Variants in CEP120 observed in about 807,000 individuals in gnomAD.
CEP120 encodes the protein centrosomal protein of 120 kDa.
Under a neutral mutation model 126.5 loss-of-function variants are expected in CEP120, and 113 were observed. The ratio of observed to expected loss-of-function variants is 0.89; its 90% confidence interval spans 0.77 to 1.04. The LOEUF is 1.04. Ranked by LOEUF, CEP120 falls within the 50% of genes least tolerant of loss-of-function variation. The probability of loss-of-function intolerance (pLI) is 0.00; values close to 1 mark genes in which losing one functional copy is unlikely to be tolerated. For missense variants in CEP120, 1,230 were observed against 1,155.7 expected (o/e 1.06, Z -0.93); for synonymous variants, 400 against 394.3 (o/e 1.01, Z -0.17).
intron 18 of CEP120, among the ~76,000 whole-genome samples, chr5:123,355,095 T>A (rs1769490818): frequency 6.6e-6 from 1 of 152,064 alleles, no homozygotes; most frequent in South Asian, 2.1e-4. Context: ...TTCATCCATG[T>A]CCCTACAAGG....
chr5:123,362,440 G>C (rs1770156112), intron 18 of CEP120, among the ~76,000 whole-genome samples: 1 of 151,828 alleles, frequency 6.6e-6, no homozygotes, highest in African/African-American at 2.4e-5. Flanking sequence ...TAGTACCTAT[G>C]TGATCACATG....
In CEP120 at chr5:123,383,033, A is replaced by C. The variant is rs377627968; in HGVS notation, c.1813T>G (p.Tyr605Asp). 2 of 1,585,234 alleles carry C rather than the reference A, an allele frequency of 1.3e-6. No homozygotes were observed. Among genetic ancestry groups the C allele is most frequent in the African/African-American group, 2.7e-5 (2 of 74,348 alleles). The change falls in exon 12 of 20, where the codon TAT becomes GAT. Residue 605 changes from tyrosine (Y) to aspartate (D), a missense_variant. Physicochemically the swap from Tyr to Asp is radical, Grantham distance 160. Coordinates refer to ENST00000306467, the MANE Select transcript of CEP120 (RefSeq NM_001375405.1). ...ATCTCACGCATTTTTACTAGTCCAT[A>C]ATCTTCTAGAGTCACTGTGTAAGAA... ...DLSYTVTLEDYGLVKMREIFI... is the reference protein window; with the variant it reads ...DLSYTVTLEDDGLVKMREIFI...
intron 7 of CEP120, chr5:123,390,384 T>A: frequency 1.8e-6 from 1 of 566,908 alleles, no homozygotes; most frequent in South Asian, 1.5e-5. Flanking sequence ...TAAGAAGGGA[T>A]ATTTGAGAAA....
chr5:123,416,804 C>T lies in CEP120; in HGVS notation c.207-680G>A, dbSNP rs1013729289. ...CAGGACCTATTTTATTTCTCTTATA[C>T]TGTAACATACATAAAATTACAAATA... is the stretch of plus-strand genomic sequence containing the variant. On this transcript the variant is annotated intron_variant, in intron 2 of 19. Transcript: ENST00000306467. Among the ~76,000 whole-genome samples, 6 of 152,100 alleles carry T rather than the reference C, an allele frequency of 3.9e-5. No individual in the cohort carries two copies. The South Asian group carries it at 8.3e-4, about 21-fold the overall frequency.
chr5:123,395,225 C>T (rs941752440), intron 5 of CEP120, among the ~76,000 whole-genome samples: 6 of 152,148 alleles, frequency 3.9e-5, no homozygotes, highest in African/African-American at 1.4e-4. Context: ...TATTTAGAGA[C>T]TACTTTTTTC....
intron 4 of CEP120, among the ~76,000 whole-genome samples, chr5:123,406,617 C>T (rs907693731): frequency 6.8e-6 from 1 of 147,634 alleles, no homozygotes; most frequent in Admixed American, 6.7e-5. Flanking sequence ...CCCTAGAATT[C>T]TGTGCCCAGT....
In CEP120 at chr5:123,418,175, G is replaced by T. The variant is rs140274300; in HGVS notation, c.206+184C>A. Among the ~76,000 whole-genome samples the T allele has an allele frequency of 1.3e-3, 204 of 152,074 alleles. 2 individuals carry two copies. The East Asian group carries it at 0.036, about 27-fold the overall frequency. ...AACTACCTTTGACTATGCGTATAAT[G>T]TAAAACAAATAAATTTCATGTTTAG... On this transcript the variant is annotated intron_variant, in intron 2 of 19. Transcript: ENST00000306467.
intron 7 of CEP120, 81 bp from the exon 8 acceptor site, chr5:123,390,221 A>T (rs1269168731): frequency 1.9e-6 from 2 of 1,036,400 alleles, no homozygotes; most frequent in Non-Finnish European, 2.9e-6. Context: ...ATTGTTTTTT[A>T]AAAATATAAG....
rs959980599 is a variant in CEP120, at chr5:123,404,461, T to C, written c.464-5177A>G. Among the ~76,000 whole-genome samples, 3 of 152,274 alleles carry C rather than the reference T, an allele frequency of 2.0e-5. No homozygotes were observed. In the South Asian group the frequency reaches 6.2e-4, roughly 32 times the overall value. Reference sequence around the variant, plus strand: ...GGTCTTCGGCACAGAAGAGTATGATTGTATGACTGATGCCTGGTAAATAAA... The same window carrying C: ...GGTCTTCGGCACAGAAGAGTATGATCGTATGACTGATGCCTGGTAAATAAA... On this transcript the variant is annotated intron_variant, in intron 4 of 19. Transcript: ENST00000306467.
intron 17 of CEP120, among the ~76,000 whole-genome samples, chr5:123,368,910 T>C (rs1770660179): frequency 6.6e-6 from 1 of 151,990 alleles, no homozygotes; most frequent in African/African-American, 2.4e-5. Flanking sequence ...GTTACTCTTC[T>C]CAATTTTTTG....
chr5:123,385,086 T>A lies in CEP120; in HGVS notation c.1628A>T (p.Asp543Val). Residue 543 changes from aspartate (D) to valine (V), a missense_variant, in exon 11 of 20, where the codon GAT becomes GTT. Asp to Val is a radical substitution (Grantham distance 152, BLOSUM62 -3). Transcript: ENST00000306467. ...GATTCTCGCAATTCCCAGAAGTAAA[T>A]CTTTACTCATTTTATCCTTGTGCCA... Reference protein sequence around the residue: ...ELWHKDKMSKDLLLGIARIQL... With the variant: ...ELWHKDKMSKVLLLGIARIQL... 1 of 1,613,526 alleles carries A rather than the reference T, an allele frequency of 6.2e-7. No homozygotes were observed. Among genetic ancestry groups the A allele is most frequent in the East Asian group, 2.2e-5 (1 of 44,842 alleles).
rs551174232 is a variant in CEP120 at position 123,383,098 on chromosome 5, GAA to G, written c.1764-18_1764-17del. On this transcript the variant is annotated splice_polypyrimidine_tract_variant and intron_variant, in intron 11 of 19. Coordinates refer to ENST00000306467, the MANE Select transcript of CEP120 (RefSeq NM_001375405.1). The stretch of plus-strand genomic sequence containing the variant: ...GTTATTTGATCTACAAATAAAATAA[GAA>G]ATACCTTAAAATTCACAGAAATACT... The G allele has an allele frequency of 2.3e-6, 3 of 1,310,026 alleles. No homozygotes were observed. Among genetic ancestry groups the G allele is most frequent in the Non-Finnish European group, 3.2e-6 (3 of 930,190 alleles). The allele number at this position is 1,310,026 out of a possible 1,614,324, so 81.2% of individuals were successfully genotyped here. A position where few individuals can be genotyped will look rare whatever the true frequency, so the allele number is the denominator to read the frequency against.
intron 2 of CEP120, among the ~76,000 whole-genome samples, chr5:123,418,057 T>G (rs1380815786): frequency 6.6e-6 from 1 of 152,170 alleles, no homozygotes; most frequent in African/African-American, 2.4e-5. Flanking sequence ...TTCTAAAACT[T>G]TGAGTGCTGA....
At chr5:123,416,638 C>T (rs1256528684) in intron 2 of CEP120, among the ~76,000 whole-genome samples, 1 of 151,750 alleles carries the variant, frequency 6.6e-6, no homozygotes, top group Non-Finnish European at 1.5e-5. Flanking sequence ...ATCTACTAAC[C>T]TCTACACCAA....
intron 4 of CEP120, chr5:123,401,390 T>C: frequency 6.8e-7 from 1 of 1,472,572 alleles, no homozygotes; most frequent in Non-Finnish European, 9.5e-7. Context: ...ATTCTCAGCC[T>C]GGAGCCGGCT....
intron 1 of CEP120, among the ~76,000 whole-genome samples, chr5:123,421,200 A>G (rs1413779462): frequency 1.3e-5 from 2 of 152,184 alleles, no homozygotes; most frequent in South Asian, 4.1e-4. Flanking sequence ...CAGTTGTACA[A>G]GCTCATTTCT....
intron 4 of CEP120, chr5:123,401,214 A>T: frequency 6.2e-7 from 1 of 1,612,748 alleles, no homozygotes. Context: ...GACGTTCATC[A>T]GCTCCTGGTA....
At chr5:123,406,474 C>T (rs1267704068) in intron 4 of CEP120, among the ~76,000 whole-genome samples, 3 of 120,564 alleles carry the variant, frequency 2.5e-5, no homozygotes, top group Non-Finnish European at 5.4e-5. Flanking sequence ...CTGAAAGAAG[C>T]CAAACGGGAA....
In CEP120 at chr5:123,363,252, C is replaced by T. The variant is rs75945271; in HGVS notation, c.2580+1244G>A. 1.1e-3 allele frequency among the ~76,000 whole-genome samples: 171 copies of T among 151,720 alleles called. 1 individual carries two copies. The highest frequency in any genetic ancestry group is 3.9e-3 in the African/African-American group (162 of 41,504). On this transcript the variant is annotated intron_variant, in intron 18 of 19. Coordinates refer to ENST00000306467, the MANE Select transcript of CEP120 (RefSeq NM_001375405.1). Reference sequence around the variant, plus strand: ...ATCACAAATACCTCCTCTCCTATGACACCTTTCCAACTCCTATTAAATAGA... The same window carrying T: ...ATCACAAATACCTCCTCTCCTATGATACCTTTCCAACTCCTATTAAATAGA...
Sources: allele counts gnomAD v4.1 joint callset (sites outside exome capture counted in the v4.1 genomes callset), GRCh38; gene constraint gnomAD v4.1.1; transcripts MANE v1.5; gene names NCBI Gene and HGNC (gene_info 2026-07-23, HGNC 2026-07-21).